The following REV3L variants were observed in gnomAD, a reference collection of about 807,000 sequenced individuals.
REV3L encodes the protein DNA polymerase zeta catalytic subunit.
Under a neutral mutation model 299.4 loss-of-function variants are expected in REV3L, and 69 were observed. That is an observed-to-expected ratio of 0.23 (90% CI 0.19 to 0.28). REV3L has a LOEUF of 0.28. Among genes scored for constraint, REV3L ranks in the 10% least tolerant of loss-of-function variants. The pLI, the probability that REV3L is intolerant of heterozygous loss-of-function variation, is 1.00. For missense variants in REV3L, 3,128 were observed against 3,693.8 expected (o/e 0.85, Z 3.97); for synonymous variants, 1,238 against 1,271.4 (o/e 0.97, Z 0.56).
intron 18 of REV3L, chr6:111,354,111 C>G (rs2114959231): frequency 6.6e-6 from 1 of 152,340 alleles, no homozygotes; most frequent in Non-Finnish European, 1.5e-5. Context: ...TCCTGGAGTT[C>G]CTATCACATA....
intron 1 of REV3L, among the ~76,000 whole-genome samples, chr6:111,438,022 T>A (rs967890232): frequency 2.5e-4 from 38 of 151,438 alleles, no homozygotes; most frequent in East Asian, 7.8e-4. Context: ...TAATTTTTTT[T>A]TTTTTATTTT....
chr6:111,466,416 T>G (rs1791522076), intron 1 of REV3L, among the ~76,000 whole-genome samples: 1 of 152,196 alleles, frequency 6.6e-6, no homozygotes, highest in African/African-American at 2.4e-5. Flanking sequence ...TAGAGGAATT[T>G]TAAAATGTCA....
Position 111,307,395 on chromosome 6 carries a change from C to T in REV3L, c.9218G>A (p.Arg3073Gln), listed in dbSNP as rs764155202. The change falls in exon 31 of 32, where the codon CGG (arginine) becomes CAG (glutamine). Residue 3073 changes from arginine to glutamine, a missense_variant. Around this residue, in one of 9 missense-constraint regions of REV3L, gnomAD observed 294 missense variants for 377.0 expected, o/e 0.78. Coordinates refer to ENST00000368802, the MANE Select transcript of REV3L (RefSeq NM_001372078.1). ...TTGCTCCTGTTGACGTTCCAACTCCCGGATTTCTTGGTTGAGGATGACTGC... is the reference window on the plus strand; with the variant it reads ...TTGCTCCTGTTGACGTTCCAACTCCTGGATTTCTTGGTTGAGGATGACTGC... ...HVAVILNQEI[R>Q]ELERQQEQLV... 23 of 1,613,952 alleles carry T rather than the reference C, an allele frequency of 1.4e-5. No individual in the cohort carries two copies. Among genetic ancestry groups the T allele is most frequent in the East Asian group, 2.2e-5 (1 of 44,886 alleles).
chr6:111,365,733 C>T (rs1408696834), intron 14 of REV3L, among the ~76,000 whole-genome samples: 1 of 152,022 alleles, frequency 6.6e-6, no homozygotes, highest in Non-Finnish European at 1.5e-5. Context: ...TATAACTGCA[C>T]TAATACAACA....
intron 14 of REV3L, among the ~76,000 whole-genome samples, chr6:111,365,697 C>T (rs1299230768): frequency 6.6e-6 from 1 of 152,062 alleles, no homozygotes; most frequent in African/African-American, 2.4e-5. Context: ...ATCAGACATT[C>T]ATCAAACATA....
intron 1 of REV3L, among the ~76,000 whole-genome samples, chr6:111,454,557 C>A (rs1393635117): frequency 6.6e-6 from 1 of 152,166 alleles, no homozygotes; most frequent in Non-Finnish European, 1.5e-5. Flanking sequence ...CCCCATTCCT[C>A]CTCCATCCCA....
intron 31 of REV3L, among the ~76,000 whole-genome samples, chr6:111,301,229 C>A (rs1488458678): frequency 2.0e-5 from 3 of 152,108 alleles, no homozygotes; most frequent in Non-Finnish European, 4.4e-5. Flanking sequence ...GATCACGAAC[C>A]CTGTTTCCTG....
chr6:111,439,566 C>T (rs1206040093), intron 1 of REV3L, among the ~76,000 whole-genome samples: 1 of 152,192 alleles, frequency 6.6e-6, no homozygotes, highest in Non-Finnish European at 1.5e-5. Context: ...TAAGTGGGTG[C>T]CTCATGAGCT....
chr6:111,417,909 T>C (rs2128285906), intron 1 of REV3L, among the ~76,000 whole-genome samples: 1 of 152,328 alleles, frequency 6.6e-6, no homozygotes, highest in Middle Eastern at 3.4e-3. Flanking sequence ...GTTATACAAA[T>C]TTCAGTTTCC....
At chr6:111,448,109 C>T (rs892442501) in intron 1 of REV3L, among the ~76,000 whole-genome samples, 5 of 152,030 alleles carry the variant, frequency 3.3e-5, no homozygotes, top group East Asian at 1.9e-4. Context: ...AGCAATCCAA[C>T]GATCAGGTAT....
intron 28 of REV3L, chr6:111,313,134 G>A (rs1468313642): frequency 5.3e-6 from 2 of 375,826 alleles, no homozygotes; most frequent in Non-Finnish European, 9.2e-6. Context: ...CTGCACTCCA[G>A]CCTGGGTGAC....
At chr6:111,347,430 A>G (rs1021533864) in intron 20 of REV3L, among the ~76,000 whole-genome samples, 2 of 152,072 alleles carry the variant, frequency 1.3e-5, no homozygotes, top group African/African-American at 4.8e-5. Context: ...ACAACACAAC[A>G]AGATAAAATC....
chr6:111,356,494 G>GT (rs1172837741), intron 18 of REV3L, among the ~76,000 whole-genome samples: 1 of 152,080 alleles, frequency 6.6e-6, no homozygotes, highest in African/African-American at 2.4e-5. Context: ...GTGCACAAGA[G>GT]TATGTAATAG....
intron 1 of REV3L, among the ~76,000 whole-genome samples, chr6:111,435,077 C>T (rs1235763677): frequency 1.3e-5 from 2 of 152,206 alleles, no homozygotes; most frequent in East Asian, 1.9e-4. Context: ...TGGTAGCACA[C>T]GCCTATAGTC....
intron 1 of REV3L, among the ~76,000 whole-genome samples, chr6:111,448,942 C>T (rs1789185689): frequency 6.6e-6 from 1 of 152,114 alleles, no homozygotes; most frequent in South Asian, 2.1e-4. Context: ...AATGGGATTA[C>T]AGGCGTGAGC....
chr6:111,369,058 A>G (rs1168923292), intron 13 of REV3L, among the ~76,000 whole-genome samples: 1 of 152,164 alleles, frequency 6.6e-6, no homozygotes, highest in Non-Finnish European at 1.5e-5. Context: ...GAAAAAACAG[A>G]AACAGAATTA....
At chr6:111,412,776 A>AAC (rs1257902559) in intron 2 of REV3L, among the ~76,000 whole-genome samples, 1 of 151,608 alleles carries the variant, frequency 6.6e-6, no homozygotes, top group African/African-American at 2.4e-5. Context: ...TAAAAAAAAA[A>AAC]AAAAACAACT....
chr6:111,482,845 C>G lies in REV3L; in HGVS notation c.44G>C (p.Ser15Thr), dbSNP rs1039589465. The part of the protein sequence containing the change: ...RIVTADYYMA[S>T]PLQGLDTCQS... ...GCAGGTATCCAGCCCCTGCAGCGGGCTGGCCATGTAGTAGTCTGCAGTCAC... is the reference window on the plus strand; with the variant it reads ...GCAGGTATCCAGCCCCTGCAGCGGGGTGGCCATGTAGTAGTCTGCAGTCAC... The change falls in exon 1 of 32, where the codon AGC (serine) becomes ACC (threonine). Residue 15 changes from serine (S) to threonine (T), a missense_variant. This residue lies in a region of REV3L where 48 missense variants were observed against 42.8 expected (regional missense o/e 1.12). Transcript: ENST00000368802. The G allele has an allele frequency of 2.6e-6, 4 of 1,511,010 alleles. No individual in the cohort carries two copies. In the African/African-American group the frequency reaches 5.9e-5, roughly 22 times the overall value. 93.6% of individuals were successfully genotyped at this position (1,511,010 alleles called of 1,614,324 possible). A position where few individuals can be genotyped will look rare whatever the true frequency, so the allele number is the denominator to read the frequency against.
rs1479815178 is a variant in REV3L at position 111,376,589 on chromosome 6, A to C, written c.1766T>G (p.Val589Gly). 1.2e-6 allele frequency: 2 copies of C among 1,613,412 alleles called. No homozygotes were observed. Among genetic ancestry groups the C allele is most frequent in the Non-Finnish European group, 1.7e-6 (2 of 1,179,854 alleles). The change falls in exon 13 of 32, where the codon GTT (valine) becomes GGT (glycine). Residue 589 changes from valine to glycine, a missense_variant. Val to Gly is a moderately radical substitution (Grantham distance 109, BLOSUM62 -3). Around this residue, in one of 9 missense-constraint regions of REV3L, gnomAD observed 2,409 missense variants for 2,611.8 expected, o/e 0.92. Transcript: ENST00000368802. ...TTCAATTAAATCTTCCTTGTTCAAA[A>C]CATGGGAAGAAAGGGCACTTGTGTG... Reference protein sequence around the residue: ...CKHTSALSSHVLNKEDLIEDL... With the variant: ...CKHTSALSSHGLNKEDLIEDL...
Sources: allele counts gnomAD v4.1 joint callset (sites outside exome capture counted in the v4.1 genomes callset), GRCh38; gene constraint gnomAD v4.1.1; regional missense constraint gnomAD v4.1.1; transcripts MANE v1.5; gene names NCBI Gene and HGNC (gene_info 2026-07-23, HGNC 2026-07-21).